The following C2orf92 variants were observed in gnomAD, a reference collection of about 807,000 sequenced individuals.
C2orf92 encodes chromosome 2 open reading frame 92, also known as uncharacterized protein C2orf92.
At chr2:97,683,113 C>CAA (rs1261236142) in intron 3 of C2orf92, among the ~76,000 whole-genome samples, 8 of 151,478 alleles carry the variant, frequency 5.3e-5, no homozygotes, top group African/African-American at 1.7e-4. Flanking sequence ...CACACACACA[C>CAA]AAACATATTA....
intron 3 of C2orf92, among the ~76,000 whole-genome samples, chr2:97,687,269 A>G (rs1187815729): frequency 2.0e-5 from 3 of 152,202 alleles, no homozygotes; most frequent in Non-Finnish European, 1.5e-5. Context: ...CAGGAGGCTG[A>G]GGCGGGAGGA....
chr2:97,668,390 G>C (rs1406314783), upstream of C2orf92: 2 of 152,192 alleles, frequency 1.3e-5, no homozygotes, highest in Non-Finnish European at 2.9e-5. Context: ...ATTAGGGCAG[G>C]CCCTAATCCG....
At chr2:97,690,031 T>C (rs150021741) in intron 4 of C2orf92, among the ~76,000 whole-genome samples, 2,231 of 151,960 alleles carry the variant, frequency 0.015, 56 homozygotes, top group African/African-American at 0.052. Context: ...CTTGGGAGGC[T>C]GAGACATGAG....
At chr2:97,675,410 C>T (rs998814708) in intron 2 of C2orf92, among the ~76,000 whole-genome samples, 1 of 152,226 alleles carries the variant, frequency 6.6e-6, no homozygotes, top group Non-Finnish European at 1.5e-5. Flanking sequence ...TTGAGGAACA[C>T]ATTTTTAGCA....
At chr2:97,680,197 G>A (rs1675723340) in intron 3 of C2orf92, among the ~76,000 whole-genome samples, 1 of 151,946 alleles carries the variant, frequency 6.6e-6, no homozygotes, top group Non-Finnish European at 1.5e-5. Flanking sequence ...TATTTGGGAG[G>A]CTGAGGCAGG....
At chr2:97,677,538 A>G (rs915781530) in intron 3 of C2orf92, 1 of 152,232 alleles carries the variant, frequency 6.6e-6, no homozygotes, top group Admixed American at 6.5e-5. Flanking sequence ...AAAAGTTACA[A>G]AAAGATGGCT....
intron 5 of C2orf92, among the ~76,000 whole-genome samples, chr2:97,696,367 G>C (rs528944859): frequency 5.3e-5 from 8 of 152,144 alleles, no homozygotes; most frequent in African/African-American, 1.9e-4. Flanking sequence ...CTGCTCTCAG[G>C]CTACTCTGCA....
At chr2:97,694,128 T>C (rs1472648011) in intron 5 of C2orf92, among the ~76,000 whole-genome samples, 1 of 152,240 alleles carries the variant, frequency 6.6e-6, no homozygotes, top group Non-Finnish European at 1.5e-5. Context: ...ATTTTGACTA[T>C]AAATATCTCA....
At position 97,684,067 on chromosome 2, in the gene C2orf92, ACT is replaced by A. The variant is rs915237907; in HGVS notation, c.233-4825_233-4824del. 9.4e-5 allele frequency among the ~76,000 whole-genome samples: 11 copies of A among 116,702 alleles called. No homozygotes were observed. The East Asian group carries it at 2.1e-3, about 23-fold the overall frequency. The allele number at this position is 116,702 out of a possible 152,430, so 76.6% of individuals were successfully genotyped here. Reference sequence around the variant, plus strand: ...TTTTTTTTTTTTGAGACGGAGTCTCACTCTGTCGCCCAGGCTGGAGTGCAGTG... The same window carrying A: ...TTTTTTTTTTTTGAGACGGAGTCTCACTGTCGCCCAGGCTGGAGTGCAGTG... On this transcript the variant is annotated intron_variant, in intron 3 of 7. Coordinates refer to ENST00000627399, the MANE Select transcript of C2orf92 (RefSeq NM_001351368.2).
At chr2:97,700,683 TC>T (rs1307543716) in intron 6 of C2orf92, among the ~76,000 whole-genome samples, 1 of 151,812 alleles carries the variant, frequency 6.6e-6, no homozygotes, top group East Asian at 1.9e-4. Context: ...GCCAGTTCCT[TC>T]CCAAGAGGAC....
At position 97,702,917 on chromosome 2, in the gene C2orf92, C is replaced by T. The variant is rs1048889673; in HGVS notation, c.*116C>T. 1.0e-5 allele frequency: 4 copies of T among 396,862 alleles called. No homozygotes were observed. The highest frequency in any genetic ancestry group is 2.1e-5 in the African/African-American group (1 of 48,626). The allele number at this position is 396,862 out of a possible 1,614,324, so 24.6% of individuals were successfully genotyped here. A position where few individuals can be genotyped will look rare whatever the true frequency, so the allele number is the denominator to read the frequency against. ...GCCCGGGAGGTGTATTCTACAAAAA[C>T]GTCTGCTTCCCATCCCAATTTGAAT... On this transcript the variant is annotated 3_prime_UTR_variant, in exon 8 of 8. Transcript: ENST00000627399.
chr2:97,692,601 G>C (rs941161891), intron 5 of C2orf92, among the ~76,000 whole-genome samples: 2 of 151,900 alleles, frequency 1.3e-5, no homozygotes, highest in African/African-American at 2.4e-5. Flanking sequence ...TTAGAGACAG[G>C]GTTTCACCAT....
chr2:97,669,607 C>T (rs1675342539), upstream of C2orf92: 2 of 389,968 alleles, frequency 5.1e-6, no homozygotes, highest in South Asian at 1.4e-4. Flanking sequence ...CCAGCATAGC[C>T]CCCGTCACTG....
chr2:97,665,012 T>C (rs1675160118), upstream of C2orf92, among the ~76,000 whole-genome samples: 1 of 152,208 alleles, frequency 6.6e-6, no homozygotes, highest in African/African-American at 2.4e-5. Flanking sequence ...TTTACATAAG[T>C]TATATTAAAT....
At chr2:97,680,037 C>T (rs746471562) in intron 3 of C2orf92, among the ~76,000 whole-genome samples, 13 of 152,118 alleles carry the variant, frequency 8.5e-5, no homozygotes, top group Admixed American at 3.3e-4. Context: ...TGGTGGCTCA[C>T]GCCTGTAAGC....
intron 3 of C2orf92, among the ~76,000 whole-genome samples, chr2:97,681,807 G>A (rs965367771): frequency 4.6e-5 from 7 of 151,740 alleles, no homozygotes; most frequent in Non-Finnish European, 7.4e-5. Flanking sequence ...GCAGTGAGCC[G>A]AGATGGTGCC....
intron 3 of C2orf92, among the ~76,000 whole-genome samples, chr2:97,682,580 A>C (rs1207808505): frequency 2.6e-5 from 4 of 152,196 alleles, no homozygotes; most frequent in Admixed American, 6.5e-5. Context: ...TTAGCAAACC[A>C]AAACCAATAG....
chr2:97,701,135 G>A lies in C2orf92; in HGVS notation c.515-19G>A, dbSNP rs1350081910. On this transcript the variant is annotated intron_variant, in intron 6 of 7. Coordinates refer to ENST00000627399, the MANE Select transcript of C2orf92 (RefSeq NM_001351368.2). ...CGGTGGGTATCTCTGTTCACTCTGC[G>A]CTGTGTCTTCTCATTTAGATGCTCA... 5 of 398,718 alleles carry A rather than the reference G, an allele frequency of 1.3e-5. No individual in the cohort carries two copies. The highest frequency in any genetic ancestry group is 3.6e-5 in the East Asian group (1 of 28,094). 24.7% of individuals were successfully genotyped at this position (398,718 alleles called of 1,614,324 possible).
At chr2:97,683,333 A>G (rs1223231464) in intron 3 of C2orf92, among the ~76,000 whole-genome samples, 2 of 152,222 alleles carry the variant, frequency 1.3e-5, no homozygotes, top group African/African-American at 2.4e-5. Context: ...ACTGAAAACT[A>G]CAAAGCACTG....
Sources: gnomAD v4.1 joint callset for allele counts (sites outside exome capture counted in the v4.1 genomes callset) on GRCh38, gnomAD v4.1.1 for gene constraint, MANE v1.5 for transcripts, NCBI Gene and HGNC (gene_info 2026-07-23, HGNC 2026-07-21) for gene names.